Variants in C11orf65 observed in about 807,000 individuals in gnomAD.
The protein encoded by C11orf65 is chromosome 11 open reading frame 65.
In C11orf65, 38 loss-of-function variants were observed where a neutral mutation model predicts 35.3. The ratio of observed to expected loss-of-function variants is 1.08; its 90% CI spans 0.83 to 1.41. The LOEUF is 1.41. Ranked by LOEUF, C11orf65 falls within the 40% of genes most tolerant of loss-of-function variation. The probability of loss-of-function intolerance (pLI) is 0.00; values close to 1 mark genes in which losing one functional copy is unlikely to be tolerated. For synonymous variants in C11orf65, 105 were observed against 114.4 expected (o/e 0.92, Z 0.53); for missense variants, 370 against 367.1 (o/e 1.01, Z -0.06).
rs886711396 is a variant in C11orf65, at chr11:108,343,078, C to T, written c.227-7786G>A. 3.8e-6 allele frequency: 4 copies of T among 1,059,826 alleles called. No individual in the cohort carries two copies. In the African/African-American group the frequency reaches 4.8e-5, roughly 13 times the overall value. 65.7% of individuals were successfully genotyped at this position (1,059,826 alleles called of 1,614,324 possible). ...TAAGTTTATTTCCGATTGGTTTCCT[C>T]CAAGGAGCTTTGTCTTCTATGGACA... On this transcript the variant is annotated intron_variant, in intron 2 of 3. Transcript: ENST00000524755.
At chr11:108,372,051 G>T (rs1192841439) in intron 2 of C11orf65, among the ~76,000 whole-genome samples, 1 of 152,144 alleles carries the variant, frequency 6.6e-6, no homozygotes, top group Non-Finnish European at 1.5e-5. Flanking sequence ...CTGATTCTGT[G>T]TATTGTTGTT....
chr11:108,446,668 C>T (rs1282085089), intron 2 of C11orf65, among the ~76,000 whole-genome samples: 5 of 152,302 alleles, frequency 3.3e-5, no homozygotes, highest in African/African-American at 1.2e-4. Flanking sequence ...GTACCAGCCA[C>T]TGCAAAATCA....
upstream of C11orf65, among the ~76,000 whole-genome samples, chr11:108,468,783 T>G (rs1304582575): frequency 1.3e-5 from 2 of 152,130 alleles, no homozygotes; most frequent in African/African-American, 4.8e-5. Flanking sequence ...TATCTTAATT[T>G]TCAATCTAAT....
At chr11:108,400,678 G>A (rs2092423215) in intron 6 of C11orf65, among the ~76,000 whole-genome samples, 1 of 152,142 alleles carries the variant, frequency 6.6e-6, no homozygotes, top group South Asian at 2.1e-4. Context: ...CGCTGCAATT[G>A]TGCCATCAGC....
chr11:108,354,734 T>G (rs150515345), intron 2 of C11orf65: 2 of 1,223,880 alleles, frequency 1.6e-6, no homozygotes, highest in Non-Finnish European at 2.4e-6. Context: ...ATACTACACA[T>G]GAGAGTATAC....
At chr11:108,454,876 C>A (rs923951016) in intron 2 of C11orf65, among the ~76,000 whole-genome samples, 1 of 152,140 alleles carries the variant, frequency 6.6e-6, no homozygotes, top group Non-Finnish European at 1.5e-5. Context: ...TTATTTCAAT[C>A]ATTTCTGCTC....
Position 108,429,243 on chromosome 11 carries a change from T to C in C11orf65, c.174+2503A>G, listed in dbSNP as rs77900658. Among the ~76,000 whole-genome samples, 234 of 152,310 alleles carry C rather than the reference T, an allele frequency of 1.5e-3. 2 individuals are homozygous for C. The East Asian group carries it at 0.043, about 28-fold the overall frequency. On this transcript the variant is annotated intron_variant, in intron 3 of 8. Coordinates refer to ENST00000393084, the MANE Select transcript of C11orf65 (RefSeq NM_152587.5). Reference sequence around the variant, plus strand: ...TGAACTACATTAAAATTAAGAACTTTGTTCATCAAAAGACACCACTGCTTC... The same window carrying C: ...TGAACTACATTAAAATTAAGAACTTCGTTCATCAAAAGACACCACTGCTTC...
intron 2 of C11orf65, among the ~76,000 whole-genome samples, chr11:108,362,495 C>G (rs1369400291): frequency 1.3e-5 from 2 of 149,768 alleles, no homozygotes; most frequent in African/African-American, 2.4e-5. Flanking sequence ...AAGACACATG[C>G]ACACGTATGT....
intron 1 of C11orf65, among the ~76,000 whole-genome samples, chr11:108,465,050 A>AT (rs1265381872): frequency 3.3e-5 from 5 of 152,152 alleles, no homozygotes; most frequent in African/African-American, 7.2e-5. Context: ...AAACTGTGAG[A>AT]TTTTTTACCT....
intron 6 of C11orf65, among the ~76,000 whole-genome samples, chr11:108,398,823 TTC>T (rs988634422): frequency 3.7e-4 from 57 of 152,350 alleles, no homozygotes; most frequent in African/African-American, 1.3e-3. Context: ...GGATAACGCA[TTC>T]TGTTATGAGA....
At chr11:108,375,835 A>C (rs960127995) in intron 2 of C11orf65, among the ~76,000 whole-genome samples, 2,393 of 151,842 alleles carry the variant, frequency 0.016, 51 homozygotes, top group African/African-American at 0.048. Context: ...GGGTTGCAAT[A>C]CTAGTCTCTG....
At chr11:108,337,658 T>C (rs973927685) in intron 2 of C11orf65, among the ~76,000 whole-genome samples, 1 of 152,104 alleles carries the variant, frequency 6.6e-6, no homozygotes. Context: ...CTGACTTCAT[T>C]TTAGAACAAA....
intron 2 of C11orf65, among the ~76,000 whole-genome samples, chr11:108,439,604 A>G (rs1341719604): frequency 6.6e-6 from 1 of 152,254 alleles, no homozygotes; most frequent in African/African-American, 2.4e-5. Flanking sequence ...GATAAATACA[A>G]TGTAGCATAT....
chr11:108,426,783 T>C (rs535316216), intron 3 of C11orf65, among the ~76,000 whole-genome samples: 1 of 152,228 alleles, frequency 6.6e-6, no homozygotes, highest in South Asian at 2.1e-4. Flanking sequence ...AACAGCATGG[T>C]ACTGATACCA....
chr11:108,375,718 A>G (rs1407191648), intron 2 of C11orf65, among the ~76,000 whole-genome samples: 31 of 152,190 alleles, frequency 2.0e-4, no homozygotes, highest in Admixed American at 2.0e-3. Flanking sequence ...AAGACCCGTC[A>G]GTGTGCTGTA....
At chr11:108,420,359 C>T (rs2092797953) in intron 3 of C11orf65, among the ~76,000 whole-genome samples, 1 of 152,146 alleles carries the variant, frequency 6.6e-6, no homozygotes, top group African/African-American at 2.4e-5. Flanking sequence ...AAGAACTGGG[C>T]AGAAGAAGAG....
chr11:108,375,577 C>A (rs2091699768), intron 2 of C11orf65, among the ~76,000 whole-genome samples: 1 of 152,014 alleles, frequency 6.6e-6, no homozygotes, highest in South Asian at 2.1e-4. Flanking sequence ...ACTGCATCAA[C>A]TAACGAACAA....
rs2137350203 is a variant in C11orf65, at chr11:108,354,840, GAA to G, written c.227-19550_227-19549del. On this transcript the variant is annotated intron_variant, in intron 2 of 3. Transcript: ENST00000524755. Reference sequence around the variant, plus strand: ...TGTGAGAAAACCATGGAAGTGATGAGAAACTCTCAGGAAACTCTGTTAACCAT... The same window carrying G: ...TGTGAGAAAACCATGGAAGTGATGAGACTCTCAGGAAACTCTGTTAACCAT... 1 of 1,613,862 alleles carries G rather than the reference GAA, an allele frequency of 6.2e-7. No individual in the cohort carries two copies. The highest frequency in any genetic ancestry group is 2.2e-5 in the East Asian group (1 of 44,868).
intron 3 of C11orf65, among the ~76,000 whole-genome samples, chr11:108,430,210 G>C (rs12282854): frequency 0.056 from 8,205 of 146,680 alleles, 764 homozygotes; most frequent in African/African-American, 0.19. Flanking sequence ...CTCACTGAAA[G>C]CTCCGCCTCC....
Sources: allele counts gnomAD v4.1 joint callset (sites outside exome capture counted in the v4.1 genomes callset), GRCh38; gene constraint gnomAD v4.1.1; transcripts MANE v1.5; gene names NCBI Gene and HGNC (gene_info 2026-07-23, HGNC 2026-07-21).